MEI4: variants seen among roughly 807,000 people sequenced by gnomAD.
The protein encoded by MEI4 is meiosis-specific protein MEI4.
Under a neutral mutation model 31.4 loss-of-function variants are expected in MEI4, and 27 were observed. The observed-to-expected ratio is 0.86, with a 90% CI of 0.63 to 1.19. The LOEUF (loss-of-function observed/expected upper bound fraction) is 1.19. Among genes scored for constraint, MEI4 ranks in the 50% most tolerant of loss-of-function variants. The pLI is 0.00. For missense variants in MEI4, 329 were observed against 398.9 expected, an observed-to-expected ratio of 0.82 and a Z score of 1.49; for synonymous variants, 122 against 145.4, an observed-to-expected ratio of 0.84 and a Z score of 1.16.
intron 4 of MEI4, among the ~76,000 whole-genome samples, chr6:77,914,345 T>G (rs2127739992): frequency 6.6e-6 from 1 of 152,222 alleles, no homozygotes; most frequent in Admixed American, 6.5e-5. Context: ...AATATTTTCT[T>G]GACCTAATGC....
At chr6:77,862,007 G>A (rs573887214) in intron 4 of MEI4, among the ~76,000 whole-genome samples, 8 of 151,512 alleles carry the variant, frequency 5.3e-5, no homozygotes, top group African/African-American at 1.9e-4. Context: ...CATCATTCTA[G>A]GACATGTTTT....
intron 2 of MEI4, among the ~76,000 whole-genome samples, chr6:77,732,827 T>G: frequency 6.6e-6 from 1 of 152,100 alleles, no homozygotes; most frequent in East Asian, 1.9e-4. Context: ...ATTCAGAGTT[T>G]TTAGCATGAA....
At chr6:77,798,276 A>G (rs1467631559) in intron 3 of MEI4, among the ~76,000 whole-genome samples, 3 of 151,668 alleles carry the variant, frequency 2.0e-5, no homozygotes, top group Non-Finnish European at 4.4e-5. Context: ...TGAAAAAGCA[A>G]AACGGCAGGT....
At chr6:77,783,443 T>C (rs1048358265) in intron 3 of MEI4, among the ~76,000 whole-genome samples, 7 of 152,220 alleles carry the variant, frequency 4.6e-5, no homozygotes, top group Non-Finnish European at 1.0e-4. Flanking sequence ...CAGCTCTACA[T>C]GACTGTAATA....
chr6:77,685,582 GT>G (rs1290106446), intron 1 of MEI4, among the ~76,000 whole-genome samples: 8 of 151,978 alleles, frequency 5.3e-5, no homozygotes, highest in Non-Finnish European at 8.8e-5. Flanking sequence ...TTTTACTTTT[GT>G]TGCCTGTCCT....
At chr6:77,800,179 G>A (rs1769208048) in intron 3 of MEI4, among the ~76,000 whole-genome samples, 1 of 152,040 alleles carries the variant, frequency 6.6e-6, no homozygotes, top group Non-Finnish European at 1.5e-5. Flanking sequence ...ATTGAGCAGT[G>A]GTTTATAGTT....
intron 4 of MEI4, among the ~76,000 whole-genome samples, chr6:77,921,390 T>A (rs1766699265): frequency 6.6e-6 from 1 of 151,798 alleles, no homozygotes; most frequent in Non-Finnish European, 1.5e-5. Context: ...CTGGTTCAGG[T>A]ATTGGCTTAA....
chr6:77,658,751 A>G (rs905054852), intron 1 of MEI4, among the ~76,000 whole-genome samples: 1 of 152,134 alleles, frequency 6.6e-6, no homozygotes, highest in Non-Finnish European at 1.5e-5. Flanking sequence ...CGGAAGATAC[A>G]AGGTCCGAAT....
At chr6:77,733,563 C>T (rs950532588) in intron 2 of MEI4, among the ~76,000 whole-genome samples, 3 of 151,902 alleles carry the variant, frequency 2.0e-5, no homozygotes, top group South Asian at 2.1e-4. Context: ...TTTTGTTGAT[C>T]ATTTCAAAAA....
At chr6:77,803,658 T>C (rs1224664030) in intron 3 of MEI4, among the ~76,000 whole-genome samples, 1 of 152,166 alleles carries the variant, frequency 6.6e-6, no homozygotes, top group East Asian at 1.9e-4. Flanking sequence ...TTGGTGTGGA[T>C]GTCCTTTCTG....
chr6:77,755,825 G>GGTGTGTGT (rs34181852), intron 2 of MEI4, among the ~76,000 whole-genome samples: 6,816 of 145,176 alleles, frequency 0.047, 525 homozygotes, highest in East Asian at 0.34. Flanking sequence ...GTGCTGGAAT[G>GGTGTGTGT]GTGTGTGTGT....
chr6:77,873,901 G>C (rs990635599), intron 4 of MEI4, among the ~76,000 whole-genome samples: 1 of 152,188 alleles, frequency 6.6e-6, no homozygotes, highest in African/African-American at 2.4e-5. Flanking sequence ...GTTTGTCAAA[G>C]ATCAGATAGT....
chr6:77,903,126 A>G (rs1195104958), intron 4 of MEI4, among the ~76,000 whole-genome samples: 1 of 152,076 alleles, frequency 6.6e-6, no homozygotes, highest in Non-Finnish European at 1.5e-5. Flanking sequence ...TCTAACTTGA[A>G]TGCCTTTTAT....
At chr6:77,696,245 A>G (rs1766037549) in intron 2 of MEI4, among the ~76,000 whole-genome samples, 1 of 152,162 alleles carries the variant, frequency 6.6e-6, no homozygotes, top group Non-Finnish European at 1.5e-5. Flanking sequence ...TCCTAATTGA[A>G]TACCCTTTAT....
chr6:77,694,763 T>G (rs911784240), intron 2 of MEI4, among the ~76,000 whole-genome samples: 3 of 152,004 alleles, frequency 2.0e-5, no homozygotes, highest in Non-Finnish European at 4.4e-5. Flanking sequence ...TTTATAATCC[T>G]TTGGGTATAT....
intron 2 of MEI4, among the ~76,000 whole-genome samples, chr6:77,699,972 C>T (rs1187384165): frequency 2.0e-5 from 3 of 152,182 alleles, no homozygotes; most frequent in Non-Finnish European, 4.4e-5. Flanking sequence ...GTCTCAGAGG[C>T]GTACCCGGCA....
intron 3 of MEI4, among the ~76,000 whole-genome samples, chr6:77,776,198 G>A (rs1251788022): frequency 6.6e-6 from 1 of 150,660 alleles, no homozygotes; most frequent in East Asian, 1.9e-4. Flanking sequence ...TTTTTGCTGT[G>A]TAGAAGCAAA....
chr6:77,894,897 T>C (rs778577842), intron 4 of MEI4, among the ~76,000 whole-genome samples: 14 of 152,210 alleles, frequency 9.2e-5, no homozygotes, highest in Non-Finnish European at 1.8e-4. Context: ...CAGAGTTTGA[T>C]GCTGTTATAG....
chr6:77,903,183 C>G (rs1766221629), intron 4 of MEI4, among the ~76,000 whole-genome samples: 1 of 151,748 alleles, frequency 6.6e-6, no homozygotes. Flanking sequence ...ACTGCTCTGG[C>G]AAGGGCTTTC....
Sources: gnomAD v4.1 joint callset for allele counts (sites outside exome capture counted in the v4.1 genomes callset) on GRCh38, gnomAD v4.1.1 for gene constraint, MANE v1.5 for transcripts, NCBI Gene and HGNC (gene_info 2026-07-23, HGNC 2026-07-21) for gene names.